The following SEL1L3 variants were observed in gnomAD, a reference collection of about 807,000 sequenced individuals.
SEL1L3 encodes SEL1L family member 3.
A neutral mutation model predicts 142.8 loss-of-function variants in SEL1L3; 76 were observed. That is an observed-to-expected ratio of 0.53 (90% CI 0.44 to 0.64). The LOEUF is 0.64. SEL1L3 is among the 30% of genes least tolerant of loss of function. The pLI is 0.00. For missense variants in SEL1L3, 1,262 were observed against 1,381.7 expected (o/e 0.91, Z 1.37); for synonymous variants, 504 against 519.6 (o/e 0.97, Z 0.41).
At chr4:25,829,778 T>C (rs1383168446) in intron 6 of SEL1L3, among the ~76,000 whole-genome samples, 2 of 152,238 alleles carry the variant, frequency 1.3e-5, no homozygotes, top group African/African-American at 4.8e-5. Flanking sequence ...TACTTTGATT[T>C]ATTTTTCAGA....
chr4:25,817,111 C>T (rs1457084499), intron 9 of SEL1L3, among the ~76,000 whole-genome samples: 1 of 152,228 alleles, frequency 6.6e-6, no homozygotes, highest in Non-Finnish European at 1.5e-5. Context: ...TGAGTAGTCA[C>T]TGAGTAAGCA....
intron 17 of SEL1L3, 41 bp from the exon 18 acceptor site, chr4:25,767,871 C>G: frequency 8.2e-7 from 1 of 1,224,994 alleles, no homozygotes; most frequent in Non-Finnish European, 1.2e-6. Flanking sequence ...TATAGTGGCT[C>G]TTACTAATAT....
chr4:25,796,787 A>G (rs1024909322), intron 11 of SEL1L3, among the ~76,000 whole-genome samples: 1 of 152,118 alleles, frequency 6.6e-6, no homozygotes, highest in South Asian at 2.1e-4. Flanking sequence ...AAACAAAACA[A>G]AAAAACAAAA....
the SEL1L3 span, among the ~76,000 whole-genome samples, chr4:25,732,434 A>C: frequency 1.3e-5 from 2 of 152,224 alleles, no homozygotes; most frequent in Non-Finnish European, 2.9e-5. Context: ...TGTTTTCCAA[A>C]GTAGTTGTGC....
the SEL1L3 span, chr4:25,719,444 G>T: frequency 3.3e-5 from 5 of 152,146 alleles, no homozygotes; most frequent in South Asian, 8.3e-4. Flanking sequence ...AGTCTGTAGG[G>T]AAATCAATAT....
At chr4:25,733,856 G>A in the SEL1L3 span, among the ~76,000 whole-genome samples, 2 of 152,154 alleles carry the variant, frequency 1.3e-5, no homozygotes, top group East Asian at 3.9e-4. Context: ...ACAATGCTGA[G>A]TAGGACTGGC....
chr4:25,733,481 G>C, the SEL1L3 span, among the ~76,000 whole-genome samples: 1 of 149,240 alleles, frequency 6.7e-6, no homozygotes, highest in Non-Finnish European at 1.5e-5. Context: ...ACATTGATAA[G>C]ATCATGTAGT....
At chr4:25,809,810 G>A (rs540850073) in intron 9 of SEL1L3, among the ~76,000 whole-genome samples, 21 of 152,264 alleles carry the variant, frequency 1.4e-4, no homozygotes, top group Non-Finnish European at 1.0e-4. Flanking sequence ...AACAAACAGG[G>A]AACACAGCTC....
At position 25,757,772 on chromosome 4, in the gene SEL1L3, G is replaced by T; in HGVS notation, c.3102C>A (p.Asn1034Lys). 6.3e-7 allele frequency: 1 copy of T among 1,583,836 alleles called. No individual in the cohort carries two copies. The highest frequency in any genetic ancestry group is 1.2e-5 in the South Asian group (1 of 86,376). The change falls in exon 22 of 24, where the codon AAC becomes AAA. Residue 1034 changes from asparagine to lysine, a missense_variant. This residue lies in a region of SEL1L3 where 138 missense variants were observed against 129.7 expected (regional missense o/e 1.06). Coordinates refer to ENST00000399878, the MANE Select transcript of SEL1L3 (RefSeq NM_015187.5). The part of the protein sequence containing the change: ...ELYERCWSHS[N>K]EESFSPCSLA... ...AGGAGCAGGGGCTGAAGGACTCCTC[G>T]TTACTGTGGCTCCAGCACCTGCAGA...
intron 19 of SEL1L3, 29 bp from the exon 20 acceptor site, chr4:25,765,464 G>T (rs1183108870): frequency 9.5e-6 from 14 of 1,467,100 alleles, no homozygotes; most frequent in South Asian, 1.2e-5. Flanking sequence ...AGATCCATTT[G>T]TCAAGTGGTT....
chr4:25,769,028 A>AT (rs11384773), intron 17 of SEL1L3, among the ~76,000 whole-genome samples: 113,819 of 151,962 alleles, frequency 0.75, 42,692 homozygotes, highest in Admixed American at 0.81. Context: ...GATTTCCTCA[A>AT]TTTTTATACG....
At chr4:25,842,255 A>AC (rs560043359) in intron 2 of SEL1L3, among the ~76,000 whole-genome samples, 91 of 151,948 alleles carry the variant, frequency 6.0e-4, no homozygotes, top group African/African-American at 2.2e-3. Flanking sequence ...TAAAAAAAAA[A>AC]AAACTCAACA....
the SEL1L3 span, chr4:25,719,121 A>C: frequency 3.3e-5 from 5 of 152,274 alleles, no homozygotes; most frequent in African/African-American, 1.2e-4. Flanking sequence ...GGTTGCGGTG[A>C]GCCGAGATCG....
chr4:25,758,035 C>T (rs953055722), intron 21 of SEL1L3, among the ~76,000 whole-genome samples: 4 of 152,138 alleles, frequency 2.6e-5, no homozygotes, highest in Non-Finnish European at 5.9e-5. Flanking sequence ...AATTAAGAGT[C>T]AAGTCTGTTC....
chr4:25,842,786 C>T (rs1000194531), intron 2 of SEL1L3, among the ~76,000 whole-genome samples: 3 of 152,244 alleles, frequency 2.0e-5, no homozygotes, highest in African/African-American at 7.2e-5. Context: ...AAACAAGTCC[C>T]CTGGCCTCAT....
At chr4:25,769,493 G>A (rs4697617) in intron 17 of SEL1L3, among the ~76,000 whole-genome samples, 122,986 of 152,178 alleles carry the variant, frequency 0.81, 50,176 homozygotes, top group African/African-American at 0.92. Flanking sequence ...CTGCAACAAC[G>A]TCCCAAAGGA....
rs1423983530 is a variant in SEL1L3, at chr4:25,747,933, G to A, written c.*492C>T. The A allele has an allele frequency of 6.5e-6, 1 of 153,374 alleles. No homozygotes were observed. Among genetic ancestry groups the A allele is most frequent in the Non-Finnish European group, 1.5e-5 (1 of 68,592 alleles). 9.5% of individuals were successfully genotyped at this position (153,374 alleles called of 1,614,324 possible). On this transcript the variant is annotated 3_prime_UTR_variant, in exon 24 of 24. Coordinates refer to ENST00000399878, the MANE Select transcript of SEL1L3 (RefSeq NM_015187.5). ...TTTCAAGGTGCCTTATAACTGCTAG[G>A]TCTTGGAAGTCAAAGAGAAATCTAT...
chr4:25,742,638 G>T (rs537591961), downstream of SEL1L3, among the ~76,000 whole-genome samples: 2 of 152,308 alleles, frequency 1.3e-5, no homozygotes, highest in South Asian at 2.1e-4. Flanking sequence ...CATCTAATGA[G>T]TTCATAGTTT....
chr4:25,795,412 G>A (rs1712662528), intron 11 of SEL1L3, among the ~76,000 whole-genome samples: 1 of 152,200 alleles, frequency 6.6e-6, no homozygotes, highest in African/African-American at 2.4e-5. Flanking sequence ...TTGTGGGGAT[G>A]AAGATCTAAG....
Sources: gnomAD v4.1 joint callset for allele counts (sites outside exome capture counted in the v4.1 genomes callset) on GRCh38, gnomAD v4.1.1 for gene constraint, gnomAD v4.1.1 regional missense constraint, MANE v1.5 for transcripts, NCBI Gene and HGNC (gene_info 2026-07-23, HGNC 2026-07-21) for gene names.